The following PCDH15 variants were observed in gnomAD, a reference collection of about 807,000 sequenced individuals.
The protein encoded by PCDH15 is protocadherin-15.
A neutral mutation model predicts 178.5 loss-of-function variants in PCDH15; 129 were observed. The observed-to-expected ratio is 0.72, with a 90% CI of 0.63 to 0.84. The LOEUF (loss-of-function observed/expected upper bound fraction) is 0.84, where lower values mean the gene tolerates loss of function less well. PCDH15 is among the 40% of genes least tolerant of loss of function. The pLI is 0.00. For missense variants in PCDH15, 2,230 were observed against 2,099.9 expected (o/e 1.06, Z -1.21); for synonymous variants, 800 against 732.0 (o/e 1.09, Z -1.50).
Position 54,752,491 on chromosome 10 carries a change from A to G in PCDH15, c.-29+48434T>C, listed in dbSNP as rs201608203. ...GACTCCGTCTCAAAAAAAAAAAAAAACAAAAAACAAAAAACAAAAAACAAA... is the reference window on the plus strand; with the variant it reads ...GACTCCGTCTCAAAAAAAAAAAAAAGCAAAAAACAAAAAACAAAAAACAAA... On this transcript the variant is annotated intron_variant, in intron 1 of 37. Transcript: ENST00000644397. Among the ~76,000 whole-genome samples the G allele has an allele frequency of 6.5e-5, 6 of 93,016 alleles. No individual in the cohort carries two copies. The East Asian group carries it at 1.4e-3, about 22-fold the overall frequency. The allele number at this position is 93,016 out of a possible 152,430, so 61.0% of individuals were successfully genotyped here.
Position 55,621,142 on chromosome 10 carries a change from A to G in PCDH15, c.-156+6483T>C, listed in dbSNP as rs577971670. Among the ~76,000 whole-genome samples the G allele has an allele frequency of 7.9e-5, 12 of 152,210 alleles. No individual in the cohort carries two copies. The East Asian group carries it at 2.3e-3, about 29-fold the overall frequency. On this transcript the variant is annotated intron_variant, in intron 2 of 5. Coordinates refer to the PCDH15 transcript ENST00000613346. ...TACTCTCCTAAGCATATTGGAATCT[A>G]GGAGAATGTACAGTAGAGATAATAA...
intron 2 of PCDH15, among the ~76,000 whole-genome samples, chr10:54,538,166 G>A (rs2084787655): frequency 6.6e-6 from 1 of 152,084 alleles, no homozygotes. Flanking sequence ...TGCTTTTGAG[G>A]ACTTGCCATA....
chr10:53,831,839 A>G (rs574283907), intron 29 of PCDH15, among the ~76,000 whole-genome samples: 7 of 152,136 alleles, frequency 4.6e-5, no homozygotes, highest in Admixed American at 6.6e-5. Context: ...TAATTTAACA[A>G]CATTTTAGAT....
At chr10:53,999,222 A>G (rs1489647040) in intron 20 of PCDH15, among the ~76,000 whole-genome samples, 1 of 152,100 alleles carries the variant, frequency 6.6e-6, no homozygotes, top group Non-Finnish European at 1.5e-5. Context: ...GTTGAGCTAT[A>G]TGGCTGCTCT....
intron 26 of PCDH15, among the ~76,000 whole-genome samples, chr10:53,896,445 G>A (rs1245433873): frequency 6.6e-6 from 1 of 151,888 alleles, no homozygotes; most frequent in Non-Finnish European, 1.5e-5. Context: ...TTTAATAGAT[G>A]TCGTGAGTAT....
At chr10:54,675,665 G>C (rs574553297) in intron 1 of PCDH15, among the ~76,000 whole-genome samples, 1 of 151,932 alleles carries the variant, frequency 6.6e-6, no homozygotes, top group Non-Finnish European at 1.5e-5. Context: ...AATATTTTGC[G>C]ATAATCCTTA....
At chr10:55,156,943 T>A (rs1041022590) in intron 2 of PCDH15, among the ~76,000 whole-genome samples, 12 of 152,134 alleles carry the variant, frequency 7.9e-5, no homozygotes, top group African/African-American at 2.9e-4. Context: ...AAGTAAAAGC[T>A]GACAGACAGT....
chr10:55,316,055 TA>T (rs1224709707), intron 1 of PCDH15, among the ~76,000 whole-genome samples: 3 of 152,142 alleles, frequency 2.0e-5, no homozygotes, highest in Admixed American at 6.5e-5. Flanking sequence ...AAAATGTTTC[TA>T]ATCAAAAGGA....
chr10:54,526,001 T>C (rs1185975883), intron 3 of PCDH15, among the ~76,000 whole-genome samples: 2 of 152,234 alleles, frequency 1.3e-5, no homozygotes, highest in Admixed American at 1.3e-4. Context: ...CTGGCAGCTT[T>C]CTGAGTAGTT....
chr10:54,812,704 G>A (rs1952884722), intron 3 of PCDH15, among the ~76,000 whole-genome samples: 1 of 152,012 alleles, frequency 6.6e-6, no homozygotes, highest in Admixed American at 6.6e-5. Context: ...TGATCCGCCT[G>A]CCTCGGCCTC....
rs4614346 is a variant in PCDH15, at chr10:55,443,391, G to C, written c.-156+184234C>G. Among the ~76,000 whole-genome samples the C allele has an allele frequency of 4.7e-3, 715 of 151,744 alleles. 7 individuals are homozygous for C. The highest frequency in any genetic ancestry group is 0.016 in the African/African-American group (681 of 41,400). The stretch of plus-strand genomic sequence containing the variant: ...AGAAAATTTTTGAAATCTATCAAAG[G>C]GCTAATATCCAGAATCTACAAGGAA... On this transcript the variant is annotated intron_variant, in intron 2 of 5. Transcript: ENST00000613346.
intron 1 of PCDH15, among the ~76,000 whole-genome samples, chr10:54,725,565 T>TATGTATAA (rs71014409): frequency 1.1e-3 from 144 of 135,906 alleles, no homozygotes; most frequent in African/African-American, 3.5e-3. Flanking sequence ...TATATATATA[T>TATGTATAA]AATTGGAAAC....
At chr10:55,394,122 G>A (rs1388320917) in intron 2 of PCDH15, among the ~76,000 whole-genome samples, 2 of 151,912 alleles carry the variant, frequency 1.3e-5, no homozygotes, top group African/African-American at 2.4e-5. Flanking sequence ...TGTCTTCCAG[G>A]TTTGTTAGCG....
chr10:54,889,164 T>C (rs4935126), intron 3 of PCDH15, among the ~76,000 whole-genome samples: 86,985 of 151,658 alleles, frequency 0.57, 25,135 homozygotes, highest in East Asian at 0.65. Context: ...TACAGTTAAT[T>C]GGTAGCAAAG....
At chr10:54,794,447 C>T (rs1346875920) in intron 1 of PCDH15, among the ~76,000 whole-genome samples, 1 of 151,858 alleles carries the variant, frequency 6.6e-6, no homozygotes, top group East Asian at 1.9e-4. Context: ...GGAAATTTTT[C>T]AATAAACCTT....
intron 2 of PCDH15, among the ~76,000 whole-genome samples, chr10:55,098,667 C>T (rs1489672519): frequency 6.6e-6 from 1 of 151,984 alleles, no homozygotes; most frequent in Non-Finnish European, 1.5e-5. Context: ...GTGGGGTGAC[C>T]AGCCTTCCCC....
intron 2 of PCDH15, among the ~76,000 whole-genome samples, chr10:55,388,035 T>G (rs1293217075): frequency 6.6e-6 from 1 of 152,128 alleles, no homozygotes; most frequent in Admixed American, 6.6e-5. Context: ...TTTGCCTGTA[T>G]GTGTCAGACA....
intron 6 of PCDH15, among the ~76,000 whole-genome samples, chr10:54,337,390 A>C (rs1483688388): frequency 6.6e-6 from 1 of 152,088 alleles, no homozygotes; most frequent in Non-Finnish European, 1.5e-5. Context: ...TCTCACCTTG[A>C]ACTGTAGCTC....
At chr10:55,602,590 G>A (rs898755971) in intron 2 of PCDH15, among the ~76,000 whole-genome samples, 6 of 152,096 alleles carry the variant, frequency 3.9e-5, no homozygotes, top group African/African-American at 9.7e-5. Context: ...GCTGACCCCC[G>A]AGCAGCCTAA....
Sources: allele counts gnomAD v4.1 joint callset (sites outside exome capture counted in the v4.1 genomes callset), GRCh38; gene constraint gnomAD v4.1.1; transcripts MANE v1.5; gene names NCBI Gene and HGNC (gene_info 2026-07-23, HGNC 2026-07-21).